The following LANCL1 variants were observed in gnomAD, a reference collection of about 807,000 sequenced individuals.
The protein encoded by LANCL1 is LanC like glutathione S-transferase 1.
LANCL1 carries 50 observed loss-of-function variants against 50.6 expected under a neutral mutation model. The observed-to-expected ratio is 0.99, with a 90% CI of 0.79 to 1.25. The LOEUF is 1.25. Among genes scored for constraint, LANCL1 ranks in the 50% most tolerant of loss-of-function variants. The pLI, the probability that LANCL1 is intolerant of heterozygous loss-of-function variation, is 0.00. For missense variants in LANCL1, 532 were observed against 480.7 expected (o/e 1.11, Z -1.00); for synonymous variants, 188 against 178.6 (o/e 1.05, Z -0.42).
chr2:210,434,987 C>T (rs572840469), intron 9 of LANCL1, among the ~76,000 whole-genome samples: 1 of 152,146 alleles, frequency 6.6e-6, no homozygotes, highest in South Asian at 2.1e-4. Flanking sequence ...GGTGTTCAGC[C>T]TTATATCCCG....
intron 4 of LANCL1, among the ~76,000 whole-genome samples, chr2:210,446,939 A>G (rs1161528406): frequency 2.0e-5 from 3 of 152,200 alleles, no homozygotes; most frequent in Non-Finnish European, 4.4e-5. Context: ...GATATTATCC[A>G]GAACTTCCCC....
chr2:210,458,433 T>G (rs980854066), intron 3 of LANCL1, among the ~76,000 whole-genome samples: 4 of 152,150 alleles, frequency 2.6e-5, no homozygotes, highest in African/African-American at 9.7e-5. Context: ...TACTTAGATT[T>G]GTTTTGTTAA....
rs199718830 is a variant in LANCL1, at chr2:210,455,264, A to G, written c.250T>C (p.Tyr84His). 3.2e-5 allele frequency: 51 copies of G among 1,612,874 alleles called. No homozygotes were observed. In the East Asian group the frequency reaches 6.0e-4, roughly 19 times the overall value. Reference protein sequence around the residue: ...HLYDVFGDPAYLQLAHGYVKQ... With the variant: ...HLYDVFGDPAHLQLAHGYVKQ... Reference sequence around the variant, plus strand: ...ACATAGCCATGTGCTAACTGTAGGTAGGCAGGGTCCCCAAATACATCATAA... The same window carrying G: ...ACATAGCCATGTGCTAACTGTAGGTGGGCAGGGTCCCCAAATACATCATAA... Residue 84 changes from tyrosine to histidine, a missense_variant, in exon 4 of 10, where the codon TAC becomes CAC. Transcript: ENST00000450366.
In LANCL1 at chr2:210,438,976, G is replaced by A. The variant is rs144366300; in HGVS notation, c.691-1104C>T. 5.5e-4 allele frequency among the ~76,000 whole-genome samples: 83 copies of A among 152,202 alleles called. 1 individual carries two copies. Among genetic ancestry groups the A allele is most frequent in the African/African-American group, 1.7e-3 (72 of 41,536 alleles). Reference sequence around the variant, plus strand: ...TGTGAAGCACAGGCAGGAGGCGGTCGTGGTGGGGTCAAAGCAATGCTGACA... The same window carrying A: ...TGTGAAGCACAGGCAGGAGGCGGTCATGGTGGGGTCAAAGCAATGCTGACA... On this transcript the variant is annotated intron_variant, in intron 6 of 9. Transcript: ENST00000450366.
chr2:210,471,823 A>G, intron 3 of LANCL1, 136 bp downstream of exon 3: 1 of 754,646 alleles, frequency 1.3e-6, no homozygotes, highest in Non-Finnish European at 2.4e-6. Context: ...AGGGCACAGC[A>G]CTCTCCCAGA....
chr2:210,437,657 TAA>T, intron 7 of LANCL1, 31 bp downstream of exon 7: 1 of 1,389,876 alleles, frequency 7.2e-7, no homozygotes, highest in South Asian at 1.8e-5. Flanking sequence ...TTTGGTTATT[TAA>T]AAAAATTTAT....
At position 210,434,399 on chromosome 2, in the gene LANCL1, T is replaced by A; in HGVS notation, c.*88A>T. The A allele has an allele frequency of 1.0e-6, 1 of 960,774 alleles. No individual in the cohort carries two copies. Among genetic ancestry groups the A allele is most frequent in the South Asian group, 1.7e-5 (1 of 57,834 alleles). The allele number at this position is 960,774 out of a possible 1,614,324, so 59.5% of individuals were successfully genotyped here. ...ATCAAGTCCACAGTTTGACTCTTTG[T>A]TTCCTTGGAAAGCAACGGAAGCACT... On this transcript the variant is annotated 3_prime_UTR_variant, in exon 10 of 10. Coordinates refer to ENST00000450366, the MANE Select transcript of LANCL1 (RefSeq NM_006055.3).
intron 2 of LANCL1, among the ~76,000 whole-genome samples, chr2:210,473,480 T>C (rs1231195036): frequency 6.6e-6 from 1 of 152,228 alleles, no homozygotes; most frequent in Non-Finnish European, 1.5e-5. Context: ...TTTCACATAG[T>C]AATTAAAATT....
chr2:210,470,683 A>T (rs1456156572), intron 3 of LANCL1, among the ~76,000 whole-genome samples: 1 of 152,194 alleles, frequency 6.6e-6, no homozygotes, highest in Non-Finnish European at 1.5e-5. Flanking sequence ...TGTACTAAAG[A>T]GGAAGACTAA....
chr2:210,445,511 C>CAT (rs1382475871), intron 4 of LANCL1, among the ~76,000 whole-genome samples: 2 of 151,856 alleles, frequency 1.3e-5, no homozygotes, highest in African/African-American at 4.8e-5. Context: ...ATTCAAATCA[C>CAT]TAAAATTCAT....
intron 3 of LANCL1, among the ~76,000 whole-genome samples, chr2:210,462,531 GGAT>G (rs773759204): frequency 1.6e-4 from 24 of 152,230 alleles, no homozygotes; most frequent in Admixed American, 2.0e-4. Context: ...TTCAGACTAT[GGAT>G]GATAATTCAC....
At position 210,476,304 on chromosome 2, in the gene LANCL1, T is replaced by C; in HGVS notation, c.81+12A>G. On this transcript the variant is annotated intron_variant, in intron 2 of 9. Transcript: ENST00000450366. ...AGAGGCAGGGATGCAGGCAGACATA[T>C]CCTAAACTCACCCTCCCGGCAGCAT... is the stretch of plus-strand genomic sequence containing the variant. The C allele has an allele frequency of 6.2e-7, 1 of 1,604,168 alleles. No individual in the cohort carries two copies. Among genetic ancestry groups the C allele is most frequent in the Non-Finnish European group, 8.5e-7 (1 of 1,170,990 alleles).
upstream of LANCL1, chr2:210,477,577 A>T (rs1694424626): frequency 7.1e-7 from 1 of 1,398,672 alleles, no homozygotes; most frequent in South Asian, 1.8e-5. Flanking sequence ...CTCCAACTGG[A>T]GAAGCTCAGT....
At chr2:210,448,529 T>C (rs1211467014) in intron 4 of LANCL1, among the ~76,000 whole-genome samples, 2 of 151,590 alleles carry the variant, frequency 1.3e-5, no homozygotes. Context: ...GATAAAGACA[T>C]GAAAAACCCT....
intron 2 of LANCL1, among the ~76,000 whole-genome samples, chr2:210,475,371 C>T (rs1694326373): frequency 6.6e-6 from 1 of 152,142 alleles, no homozygotes; most frequent in South Asian, 2.1e-4. Context: ...GTCTCTGTCA[C>T]CCAGGCTAGA....
intron 3 of LANCL1, among the ~76,000 whole-genome samples, chr2:210,462,789 T>C (rs1315470855): frequency 6.6e-6 from 1 of 152,256 alleles, no homozygotes. Context: ...TACTCTTGCC[T>C]AATAAGCCTT....
In LANCL1 at chr2:210,448,590, AATAG is replaced by A. The variant is rs1433519301; in HGVS notation, c.407+6513_407+6516del. Reference sequence around the variant, plus strand: ...GTTGGTTTTTTGAAAAGATCAATAAAATAGATAGACCACTAGCCAGACTAATAAA... The same window carrying A: ...GTTGGTTTTTTGAAAAGATCAATAAAATAGACCACTAGCCAGACTAATAAA... On this transcript the variant is annotated intron_variant, in intron 4 of 9. Transcript: ENST00000450366. 7.9e-5 allele frequency among the ~76,000 whole-genome samples: 12 copies of A among 152,320 alleles called. No homozygotes were observed. In the South Asian group the frequency reaches 1.7e-3, roughly 21 times the overall value.
In LANCL1 at chr2:210,472,056, T is replaced by C. The variant is rs898464848; in HGVS notation, c.102A>G (p.Gln34=). Residue 34 remains glutamine (Q), a synonymous_variant, in exon 3 of 10, where the codon CAA becomes CAG. Transcript: ENST00000450366. ...AAGRLTPEFS[Q]RLTNKIRELL... ...GCTCCCGAATCTTATTGGTCAAGCGTTGTGAGAACTCAGGAGTCAGCTAGA... is the reference window on the plus strand; with the variant it reads ...GCTCCCGAATCTTATTGGTCAAGCGCTGTGAGAACTCAGGAGTCAGCTAGA... The C allele has an allele frequency of 6.2e-7, 1 of 1,613,964 alleles. No homozygotes were observed. Among genetic ancestry groups the C allele is most frequent in the Non-Finnish European group, 8.5e-7 (1 of 1,179,822 alleles).
At chr2:210,476,051 T>C (rs1218459396) in intron 2 of LANCL1, among the ~76,000 whole-genome samples, 2 of 152,248 alleles carry the variant, frequency 1.3e-5, no homozygotes, top group South Asian at 2.1e-4. Context: ...AATTACATAG[T>C]AAACTACATA....
Sources: allele counts gnomAD v4.1 joint callset (sites outside exome capture counted in the v4.1 genomes callset), GRCh38; gene constraint gnomAD v4.1.1; transcripts MANE v1.5; gene names NCBI Gene and HGNC (gene_info 2026-07-23, HGNC 2026-07-21).